Variants in NBAS observed in about 807,000 individuals in gnomAD.
NBAS encodes the protein NBAS subunit of NRZ tethering complex.
In NBAS, 219 loss-of-function variants were observed where a neutral mutation model predicts 302.5. That is an observed-to-expected ratio of 0.72 (90% CI 0.65 to 0.81). The LOEUF is 0.81. Among genes scored for constraint, NBAS ranks in the 30% least tolerant of loss-of-function variants. NBAS has a pLI of 0.00. For synonymous variants in NBAS, 1,118 were observed against 1,021.6 expected, an observed-to-expected ratio of 1.09 and a Z score of -1.80; for missense variants, 2,932 against 2,841.6, an observed-to-expected ratio of 1.03 and a Z score of -0.72.
chr2:15,264,666 A>G (rs1668994415), intron 44 of NBAS, among the ~76,000 whole-genome samples: 1 of 152,192 alleles, frequency 6.6e-6, no homozygotes, highest in Non-Finnish European at 1.5e-5. Flanking sequence ...TGACTTTGTC[A>G]ATTCTAGCTC....
At chr2:15,543,960 C>T (rs1663980132) in intron 6 of NBAS, among the ~76,000 whole-genome samples, 1 of 152,124 alleles carries the variant, frequency 6.6e-6, no homozygotes, top group African/African-American at 2.4e-5. Flanking sequence ...ATAACAAACA[C>T]CCAAATTCTC....
At chr2:14,820,912 C>G in the NBAS span, among the ~76,000 whole-genome samples, 1 of 151,890 alleles carries the variant, frequency 6.6e-6, no homozygotes, top group Non-Finnish European at 1.5e-5. Flanking sequence ...AACAGAGACA[C>G]TCTTTTTTTT....
In NBAS at chr2:15,489,732, CCTCT is replaced by C. The variant is rs557743382; in HGVS notation, c.955-714_955-711del. 1.2e-4 allele frequency among the ~76,000 whole-genome samples: 18 copies of C among 152,308 alleles called. No homozygotes were observed. In the South Asian group the frequency reaches 3.3e-3, roughly 28 times the overall value. On this transcript the variant is annotated intron_variant, in intron 11 of 51. Coordinates refer to ENST00000281513, the MANE Select transcript of NBAS (RefSeq NM_015909.4). ...CTTCCAGTCCTTCTTGTCCAAATAA[CCTCT>C]CTGTCTTTTCCTTTCTCAGATGACA...
At chr2:15,374,843 G>A (rs182583928) in intron 30 of NBAS, 123 bp from the exon 31 acceptor site, 207 of 822,950 alleles carry the variant, frequency 2.5e-4, no homozygotes, top group Admixed American at 8.1e-4. Flanking sequence ...TCATTCCGCT[G>A]GATGCCTTCT....
At chr2:15,538,126 T>C (rs7606850) in intron 7 of NBAS, among the ~76,000 whole-genome samples, 96,962 of 152,074 alleles carry the variant, frequency 0.64, 31,642 homozygotes, top group Non-Finnish European at 0.68. Flanking sequence ...TGATATAAAA[T>C]ACAGTATTAA....
intron 47 of NBAS, among the ~76,000 whole-genome samples, chr2:15,231,303 C>T (rs956749706): frequency 1.3e-5 from 2 of 152,198 alleles, no homozygotes; most frequent in South Asian, 4.1e-4. Context: ...GAAGTAGAAA[C>T]CCCTGCTTGC....
intron 12 of NBAS, among the ~76,000 whole-genome samples, chr2:15,485,683 A>G (rs1418226441): frequency 3.3e-5 from 5 of 152,366 alleles, no homozygotes; most frequent in African/African-American, 1.2e-4. Context: ...CAAGTATGCA[A>G]TTAGCATACA....
intron 29 of NBAS, among the ~76,000 whole-genome samples, chr2:15,380,121 C>T (rs1674961104): frequency 6.6e-6 from 1 of 152,152 alleles, no homozygotes; most frequent in Non-Finnish European, 1.5e-5. Flanking sequence ...ACAATAAATA[C>T]TTGGGTCAAG....
At chr2:14,949,221 C>T in the NBAS span, among the ~76,000 whole-genome samples, 1 of 151,946 alleles carries the variant, frequency 6.6e-6, no homozygotes, top group Non-Finnish European at 1.5e-5. Flanking sequence ...CACAGGTAAC[C>T]AGAGCAAAAG....
the NBAS span, among the ~76,000 whole-genome samples, chr2:15,089,717 T>C: frequency 6.6e-6 from 1 of 151,672 alleles, no homozygotes; most frequent in African/African-American, 2.4e-5. Flanking sequence ...TCATTGCCTT[T>C]TAAAGGTTGA....
At chr2:14,779,742 C>G in the NBAS span, among the ~76,000 whole-genome samples, 8 of 152,212 alleles carry the variant, frequency 5.3e-5, no homozygotes, top group African/African-American at 1.7e-4. Context: ...TGTTTGTTGT[C>G]TCACTCCCAA....
chr2:15,455,650 C>T (rs985709206), intron 21 of NBAS, among the ~76,000 whole-genome samples: 1 of 151,590 alleles, frequency 6.6e-6, no homozygotes, highest in African/African-American at 2.4e-5. Context: ...TACCTTAACT[C>T]ATTAATCATT....
At chr2:14,858,697 G>A in the NBAS span, among the ~76,000 whole-genome samples, 6 of 152,144 alleles carry the variant, frequency 3.9e-5, no homozygotes, top group South Asian at 1.2e-3. Context: ...AGAGGAAGTG[G>A]AGATGGTTAA....
chr2:15,222,039 C>T (rs946973002), intron 47 of NBAS, among the ~76,000 whole-genome samples: 2 of 152,212 alleles, frequency 1.3e-5, no homozygotes, highest in Non-Finnish European at 2.9e-5. Flanking sequence ...GATAACAACA[C>T]TTTCCTCATG....
chr2:15,028,333 AT>A, the NBAS span, among the ~76,000 whole-genome samples: 125 of 152,290 alleles, frequency 8.2e-4, no homozygotes, highest in African/African-American at 2.9e-3. Flanking sequence ...GGGTCTCTGT[AT>A]TTTTTATTAG....
At chr2:15,471,543 CTTTTTAAAAG>C (rs1012723011) in intron 16 of NBAS, among the ~76,000 whole-genome samples, 1 of 152,078 alleles carries the variant, frequency 6.6e-6, no homozygotes, top group Non-Finnish European at 1.5e-5. Context: ...AAGTCTCAAC[CTTTTTAAAAG>C]TATGCCATGA....
the NBAS span, among the ~76,000 whole-genome samples, chr2:14,961,618 C>T: frequency 6.6e-6 from 1 of 152,054 alleles, no homozygotes; most frequent in East Asian, 1.9e-4. Context: ...TCATGTCTTC[C>T]TTTATAGCAA....
At chr2:14,990,162 C>G in the NBAS span, among the ~76,000 whole-genome samples, 2 of 150,730 alleles carry the variant, frequency 1.3e-5, no homozygotes, top group Non-Finnish European at 2.9e-5. Flanking sequence ...CCTGTAACCC[C>G]AGTGCTTTGG....
chr2:15,440,119 T>A (rs1046823942), intron 21 of NBAS, among the ~76,000 whole-genome samples: 1 of 152,216 alleles, frequency 6.6e-6, no homozygotes, highest in Admixed American at 6.5e-5. Context: ...CTCTGCAGAC[T>A]TAAATGTCCA....
Sources: allele counts gnomAD v4.1 joint callset (sites outside exome capture counted in the v4.1 genomes callset), GRCh38; gene constraint gnomAD v4.1.1; transcripts MANE v1.5; gene names NCBI Gene and HGNC (gene_info 2026-07-23, HGNC 2026-07-21).